The following EYS variants were observed in gnomAD, a reference collection of about 807,000 sequenced individuals.
EYS encodes the protein EGF-like photoreceptor maintenance factor.
A neutral mutation model predicts 282.1 loss-of-function variants in EYS; 250 were observed. The ratio of observed to expected loss-of-function variants is 0.89; its 90% confidence interval spans 0.80 to 0.98. The LOEUF (loss-of-function observed/expected upper bound fraction) is 0.98. EYS is among the 50% of genes least tolerant of loss of function. The probability of loss-of-function intolerance (pLI) is 0.00; values close to 1 mark genes in which losing one functional copy is unlikely to be tolerated. For synonymous variants in EYS, 1,355 were observed against 1,282.9 expected (o/e 1.06, Z -1.20); for missense variants, 4,016 against 3,709.0 (o/e 1.08, Z -2.15).
intron 14 of EYS, among the ~76,000 whole-genome samples, chr6:64,949,517 T>C (rs1445011131): frequency 2.0e-5 from 3 of 152,084 alleles, no homozygotes; most frequent in African/African-American, 7.2e-5. Context: ...GAATCTCTGC[T>C]GTTACCTCTT....
At chr6:65,290,696 G>T (rs1470421098) in intron 12 of EYS, among the ~76,000 whole-genome samples, 2 of 151,188 alleles carry the variant, frequency 1.3e-5, no homozygotes, top group African/African-American at 4.8e-5. Context: ...TCTAATAAAC[G>T]CATCTAAAAG....
chr6:64,435,545 T>C (rs532324165), intron 28 of EYS, among the ~76,000 whole-genome samples: 2 of 151,618 alleles, frequency 1.3e-5, no homozygotes, highest in South Asian at 4.2e-4. Context: ...ATGGCTGTGG[T>C]ATGTGTTTTC....
At position 65,435,495 on chromosome 6, in the gene EYS, C is replaced by T. The variant is rs970207414; in HGVS notation, c.863-30128G>A. On this transcript the variant is annotated intron_variant, in intron 5 of 42. Transcript: ENST00000503581. ...GGAAATGATTATGTAAGCATGTTTA[C>T]AGTCTCTTATGGAATTACTAAGTAA... Among the ~76,000 whole-genome samples the T allele has an allele frequency of 3.9e-5, 6 of 151,918 alleles. No homozygotes were observed. The South Asian group carries it at 1.2e-3, about 32-fold the overall frequency.
In EYS at chr6:64,660,126, C is replaced by T. The variant is rs193032820; in HGVS notation, c.3444-33881G>A. Among the ~76,000 whole-genome samples, 125 of 143,690 alleles carry T rather than the reference C, an allele frequency of 8.7e-4. 1 individual carries two copies. The East Asian group carries it at 0.015, about 18-fold the overall frequency. The allele number at this position is 143,690 out of a possible 152,430, so 94.3% of individuals were successfully genotyped here. The stretch of plus-strand genomic sequence containing the variant: ...TAATCCAGCATATAAACAGAACCAA[C>T]GACAAAAACCACATGATTATCTCAA... On this transcript the variant is annotated intron_variant, in intron 22 of 42. Coordinates refer to ENST00000503581, the MANE Select transcript of EYS (RefSeq NM_001142800.2).
chr6:65,330,869 T>C (rs1769772393), intron 11 of EYS: 7 of 951,934 alleles, frequency 7.4e-6, no homozygotes, highest in Non-Finnish European at 8.8e-6. Flanking sequence ...AAGGTTGTAA[T>C]CCAGTTTCAT....
chr6:64,428,079 C>A (rs913584358), intron 28 of EYS, among the ~76,000 whole-genome samples: 6 of 152,056 alleles, frequency 3.9e-5, no homozygotes, highest in African/African-American at 1.2e-4. Context: ...AAAATGCACT[C>A]AACTGGATCA....
intron 10 of EYS, among the ~76,000 whole-genome samples, chr6:65,340,594 A>G (rs1278810648): frequency 6.6e-6 from 1 of 151,130 alleles, no homozygotes; most frequent in Admixed American, 6.6e-5. Context: ...GATTCTCAGT[A>G]TATTGTGCCA....
At chr6:64,801,481 CA>C (rs1162538399) in intron 22 of EYS, among the ~76,000 whole-genome samples, 1 of 151,958 alleles carries the variant, frequency 6.6e-6, no homozygotes, top group Non-Finnish European at 1.5e-5. Context: ...TATAATTTAA[CA>C]TTTTTTTTGT....
chr6:64,459,951 A>G (rs1350555774), intron 26 of EYS, among the ~76,000 whole-genome samples: 2 of 151,876 alleles, frequency 1.3e-5, no homozygotes, highest in Non-Finnish European at 2.9e-5. Context: ...TATCCAGAAA[A>G]AAAAAAAAAG....
chr6:65,233,042 TGATA>T (rs1026190201), intron 12 of EYS, among the ~76,000 whole-genome samples: 12 of 152,300 alleles, frequency 7.9e-5, no homozygotes, highest in Non-Finnish European at 2.9e-5. Context: ...TGTATCTTAT[TGATA>T]TTCTCCATTT....
At chr6:65,036,467 C>T (rs1424390091) in intron 13 of EYS, among the ~76,000 whole-genome samples, 2 of 151,444 alleles carry the variant, frequency 1.3e-5, no homozygotes, top group Non-Finnish European at 3.0e-5. Context: ...TTGTACAAAA[C>T]CAAAAACTGA....
At chr6:65,631,061 G>C (rs116806139) in intron 2 of EYS, among the ~76,000 whole-genome samples, 2 of 152,212 alleles carry the variant, frequency 1.3e-5, no homozygotes, top group Non-Finnish European at 2.9e-5. Context: ...TTAAGAAATA[G>C]GCTACTTGTT....
At chr6:63,864,069 A>G (rs1772612494) in intron 36 of EYS, 117 bp downstream of exon 36, 6 of 999,706 alleles carry the variant, frequency 6.0e-6, no homozygotes, top group African/African-American at 3.3e-5. Flanking sequence ...AAAAGAACCC[A>G]GAAGAAGATT....
At chr6:64,959,150 A>C (rs1769828008) in intron 14 of EYS, among the ~76,000 whole-genome samples, 1 of 152,200 alleles carries the variant, frequency 6.6e-6, no homozygotes, top group African/African-American at 2.4e-5. Flanking sequence ...GGAGTAGAAC[A>C]ATGTAAGAAT....
At chr6:64,000,164 G>A (rs1369732868) in intron 33 of EYS, among the ~76,000 whole-genome samples, 1 of 107,588 alleles carries the variant, frequency 9.3e-6, no homozygotes, top group African/African-American at 3.6e-5. Flanking sequence ...CCCAAGACAT[G>A]GGACTTTTTT....
intron 29 of EYS, among the ~76,000 whole-genome samples, chr6:64,319,787 A>C (rs1173650643): frequency 6.6e-6 from 1 of 151,846 alleles, no homozygotes; most frequent in Non-Finnish European, 1.5e-5. Context: ...ATTACAGAGA[A>C]TATTCCAGTT....
chr6:64,189,127 T>G (rs1765031675), intron 31 of EYS, among the ~76,000 whole-genome samples: 1 of 133,110 alleles, frequency 7.5e-6, no homozygotes, highest in Non-Finnish European at 1.7e-5. Context: ...GAGCCCTGTT[T>G]TGAGAATAGC....
chr6:65,293,875 A>C (rs1047799185), intron 12 of EYS, among the ~76,000 whole-genome samples: 1 of 151,918 alleles, frequency 6.6e-6, no homozygotes, highest in African/African-American at 2.4e-5. Context: ...GATGGGGATC[A>C]GGGAAATAAA....
At chr6:64,439,078 A>C in intron 27 of EYS, 84 bp downstream of exon 27, 1 of 743,092 alleles carries the variant, frequency 1.3e-6, no homozygotes. Context: ...TTAAGTTTAA[A>C]TTTTATTTTG....
Sources: allele counts gnomAD v4.1 joint callset (sites outside exome capture counted in the v4.1 genomes callset), GRCh38; gene constraint gnomAD v4.1.1; transcripts MANE v1.5; gene names NCBI Gene and HGNC (gene_info 2026-07-23, HGNC 2026-07-21).